The following WDPCP variants were observed in gnomAD, a reference collection of about 807,000 sequenced individuals.
The protein encoded by WDPCP is WD repeat containing planar cell polarity effector.
A neutral mutation model predicts 93.1 loss-of-function variants in WDPCP; 71 were observed. The ratio of observed to expected loss-of-function variants is 0.76; its 90% confidence interval spans 0.63 to 0.93. The LOEUF (loss-of-function observed/expected upper bound fraction) is 0.93. WDPCP is among the 40% of genes least tolerant of loss of function. The probability of loss-of-function intolerance (pLI) is 0.00; values close to 1 mark genes in which losing one functional copy is unlikely to be tolerated. For synonymous variants in WDPCP, 315 were observed against 315.0 expected (o/e 1.00, Z 0.00); for missense variants, 844 against 887.4 (o/e 0.95, Z 0.62).
intron 2 of WDPCP, among the ~76,000 whole-genome samples, chr2:63,662,639 CAGAGAG>C (rs3077036): frequency 4.8e-5 from 7 of 147,204 alleles, no homozygotes; most frequent in East Asian, 2.0e-4. Context: ...TCATCTCTTC[CAGAGAG>C]AGAGAGAGAG....
At chr2:63,787,250 G>A (rs538913238) in intron 2 of WDPCP, among the ~76,000 whole-genome samples, 1 of 152,310 alleles carries the variant, frequency 6.6e-6, no homozygotes, top group East Asian at 1.9e-4. Flanking sequence ...GGCCCCTGTG[G>A]GGAAGTGTGC....
At chr2:63,706,834 T>A (rs1447362658) in intron 2 of WDPCP, among the ~76,000 whole-genome samples, 5 of 151,924 alleles carry the variant, frequency 3.3e-5, no homozygotes, top group Admixed American at 6.6e-5. Flanking sequence ...GCCAGGATGG[T>A]CTCGATCTCC....
At chr2:63,344,236 T>C (rs1198800286) in intron 12 of WDPCP, among the ~76,000 whole-genome samples, 1 of 152,222 alleles carries the variant, frequency 6.6e-6, no homozygotes, top group Non-Finnish European at 1.5e-5. Context: ...AAAGCCTGTA[T>C]TCCTTGTCAT....
chr2:63,531,252 C>A (rs1703818135), intron 1 of WDPCP, among the ~76,000 whole-genome samples: 1 of 152,246 alleles, frequency 6.6e-6, no homozygotes, highest in Non-Finnish European at 1.5e-5. Context: ...GTAGACTCCA[C>A]CTCTGGGGGC....
intron 2 of WDPCP, among the ~76,000 whole-genome samples, chr2:63,720,142 C>T (rs1256252815): frequency 6.6e-6 from 1 of 152,048 alleles, no homozygotes; most frequent in Non-Finnish European, 1.5e-5. Context: ...ATAGGCCTGG[C>T]GCAGTGGCTC....
At chr2:63,434,700 A>G (rs1276466168) in intron 8 of WDPCP, among the ~76,000 whole-genome samples, 25 of 152,190 alleles carry the variant, frequency 1.6e-4, no homozygotes. Flanking sequence ...TAATCGAACC[A>G]CTTTCTGGGG....
chr2:63,148,858 GCCA>G (rs1193434801), intron 17 of WDPCP, among the ~76,000 whole-genome samples: 2 of 51,534 alleles, frequency 3.9e-5, no homozygotes, highest in Non-Finnish European at 4.1e-5. Context: ...GGACACAGGA[GCCA>G]ACACACACAC....
intron 3 of WDPCP, among the ~76,000 whole-genome samples, chr2:63,615,663 T>C (rs1709664212): frequency 6.6e-6 from 1 of 152,210 alleles, no homozygotes; most frequent in African/African-American, 2.4e-5. Flanking sequence ...CTATTAAACT[T>C]CTGCTCTAAC....
intron 12 of WDPCP, chr2:63,360,057 G>A (rs532120090): frequency 1.3e-5 from 2 of 152,232 alleles, no homozygotes; most frequent in South Asian, 2.1e-4. Context: ...TCCAGCCTGG[G>A]CGACAAGGCA....
At chr2:63,277,647 A>G (rs1464385714) in intron 13 of WDPCP, among the ~76,000 whole-genome samples, 1 of 152,210 alleles carries the variant, frequency 6.6e-6, no homozygotes, top group African/African-American at 2.4e-5. Flanking sequence ...CAGCAGTTTA[A>G]AAAGACGAAG....
intron 1 of WDPCP, among the ~76,000 whole-genome samples, chr2:63,534,217 T>C (rs971189552): frequency 2.6e-5 from 4 of 152,086 alleles, no homozygotes; most frequent in Non-Finnish European, 4.4e-5. Context: ...AGGCAATAAT[T>C]AATAGCTTAC....
In WDPCP at chr2:63,418,953, G is replaced by A. The variant is rs186535054; in HGVS notation, c.826-14296C>T. On this transcript the variant is annotated intron_variant, in intron 9 of 17. Transcript: ENST00000272321. ...GTTACACAAGAAACGGATGGCCAGC[G>A]TCCAGTGTTTTGTTTTTCTTGTTTG... Among the ~76,000 whole-genome samples, 10 of 152,262 alleles carry A rather than the reference G, an allele frequency of 6.6e-5. No individual in the cohort carries two copies. The East Asian group carries it at 1.2e-3, about 18-fold the overall frequency.
chr2:63,514,576 G>A (rs1325169236), intron 1 of WDPCP, among the ~76,000 whole-genome samples: 2 of 152,082 alleles, frequency 1.3e-5, no homozygotes, highest in African/African-American at 4.8e-5. Flanking sequence ...GATGTCACCT[G>A]GCACTTAAAA....
intron 14 of WDPCP, among the ~76,000 whole-genome samples, chr2:63,226,902 G>A (rs1328417775): frequency 1.3e-5 from 2 of 151,922 alleles, no homozygotes; most frequent in Non-Finnish European, 2.9e-5. Context: ...CTAATTGAAA[G>A]TTAACAGAAA....
At chr2:63,794,720 A>C (rs1364186654) in intron 2 of WDPCP, among the ~76,000 whole-genome samples, 1 of 152,140 alleles carries the variant, frequency 6.6e-6, no homozygotes, top group Admixed American at 6.5e-5. Context: ...TTAAGCCACC[A>C]CTTTGAGTTG....
At chr2:63,838,665 A>T in the WDPCP span, among the ~76,000 whole-genome samples, 1 of 152,230 alleles carries the variant, frequency 6.6e-6, no homozygotes, top group African/African-American at 2.4e-5. Flanking sequence ...TGCACCTTGA[A>T]GGGATATTCC....
intron 10 of WDPCP, among the ~76,000 whole-genome samples, chr2:63,393,963 A>G (rs977948027): frequency 1.3e-5 from 2 of 152,230 alleles, no homozygotes; most frequent in Non-Finnish European, 2.9e-5. Flanking sequence ...TAAAACTATG[A>G]AAACCCTGCA....
At position 63,448,437 on chromosome 2, in the gene WDPCP, A is replaced by AACACACAC. The variant is rs35247066; in HGVS notation, c.385-8574_385-8567dup. On this transcript the variant is annotated intron_variant, in intron 6 of 17. Coordinates refer to ENST00000272321, the MANE Select transcript of WDPCP (RefSeq NM_015910.7). ...TACCTGAGTTAATTAAAAATACATCAACACACACACACACACACACACACA... is the reference window on the plus strand; with the variant it reads ...TACCTGAGTTAATTAAAAATACATCAACACACACACACACACACACACACACACACACA... 1.1e-3 allele frequency among the ~76,000 whole-genome samples: 157 copies of AACACACAC among 148,802 alleles called. 1 individual carries two copies. Among genetic ancestry groups the AACACACAC allele is most frequent in the African/African-American group, 3.8e-3 (155 of 40,576 alleles).
chr2:63,693,571 G>C (rs568766775), intron 2 of WDPCP, among the ~76,000 whole-genome samples: 2 of 152,160 alleles, frequency 1.3e-5, no homozygotes, highest in East Asian at 3.9e-4. Flanking sequence ...AGTAGGAAAG[G>C]TACTACTCTG....
Sources: allele counts gnomAD v4.1 joint callset (sites outside exome capture counted in the v4.1 genomes callset), GRCh38; gene constraint gnomAD v4.1.1; transcripts MANE v1.5; gene names NCBI Gene and HGNC (gene_info 2026-07-23, HGNC 2026-07-21).